The following CPA6 variants were observed in gnomAD, a reference collection of about 807,000 sequenced individuals.
CPA6 encodes carboxypeptidase A6.
Under a neutral mutation model 63.3 loss-of-function variants are expected in CPA6, and 58 were observed. That is an observed-to-expected ratio of 0.92 (90% CI 0.74 to 1.14). The LOEUF (loss-of-function observed/expected upper bound fraction) is 1.14. CPA6 is among the 50% of genes most tolerant of loss of function. CPA6 has a pLI of 0.00. For missense variants in CPA6, 565 were observed against 526.6 expected (o/e 1.07, Z -0.71); for synonymous variants, 185 against 179.0 (o/e 1.03, Z -0.27).
At chr8:67,727,446 C>T (rs1272042253) in intron 1 of CPA6, among the ~76,000 whole-genome samples, 1 of 152,148 alleles carries the variant, frequency 6.6e-6, no homozygotes, top group African/African-American at 2.4e-5. Flanking sequence ...CCACTGCCCC[C>T]CTTAACCCCC....
chr8:67,585,716 G>A (rs565409741), intron 2 of CPA6, among the ~76,000 whole-genome samples: 8 of 152,232 alleles, frequency 5.3e-5, no homozygotes, highest in South Asian at 2.1e-4. Context: ...GATATGATAC[G>A]TAAGTGTCCT....
chr8:67,679,927 T>G (rs150269318), intron 1 of CPA6, among the ~76,000 whole-genome samples: 1 of 152,272 alleles, frequency 6.6e-6, no homozygotes, highest in East Asian at 1.9e-4. Flanking sequence ...GACTTGGAGA[T>G]ATGGTGTATT....
chr8:67,497,302 T>C (rs1028313844), intron 6 of CPA6, among the ~76,000 whole-genome samples: 1 of 152,218 alleles, frequency 6.6e-6, no homozygotes, highest in African/African-American at 2.4e-5. Flanking sequence ...GTGCTTCCTG[T>C]TTTTATGGAT....
chr8:67,455,373 G>C (rs1368333802), intron 8 of CPA6, among the ~76,000 whole-genome samples: 1 of 152,030 alleles, frequency 6.6e-6, no homozygotes, highest in Non-Finnish European at 1.5e-5. Context: ...ATGTCTCACA[G>C]TAGTTTGTTA....
At chr8:67,521,813 T>A (rs1812263611) in intron 2 of CPA6, among the ~76,000 whole-genome samples, 1 of 152,146 alleles carries the variant, frequency 6.6e-6, no homozygotes, top group Non-Finnish European at 1.5e-5. Flanking sequence ...GCCACTATAG[T>A]GGTGATGAAT....
intron 2 of CPA6, among the ~76,000 whole-genome samples, chr8:67,519,499 C>T (rs1010157749): frequency 8.5e-5 from 13 of 152,178 alleles, no homozygotes; most frequent in African/African-American, 3.1e-4. Flanking sequence ...CTCTAGAAGA[C>T]CAAAAATACT....
At chr8:67,484,879 C>T in intron 6 of CPA6, 90 bp from the exon 7 acceptor site, 1 of 643,084 alleles carries the variant, frequency 1.6e-6, no homozygotes, top group Non-Finnish European at 2.7e-6. Context: ...ATGAGAACTA[C>T]CAAATACGGT....
At chr8:67,466,426 G>A (rs1334251220) in intron 8 of CPA6, among the ~76,000 whole-genome samples, 2 of 151,992 alleles carry the variant, frequency 1.3e-5, no homozygotes, top group Non-Finnish European at 2.9e-5. Flanking sequence ...TGTTTTGCTT[G>A]TTGTTTGTAT....
chr8:67,662,095 G>T (rs536357086), intron 1 of CPA6, among the ~76,000 whole-genome samples: 97 of 152,282 alleles, frequency 6.4e-4, no homozygotes, highest in African/African-American at 2.0e-3. Context: ...TGCAGGTTCT[G>T]GGGGAGGCAG....
chr8:67,681,561 C>G (rs2128995995), intron 1 of CPA6, among the ~76,000 whole-genome samples: 1 of 152,218 alleles, frequency 6.6e-6, no homozygotes, highest in East Asian at 1.9e-4. Context: ...GTTTTGCTTA[C>G]AATCCATTTT....
In CPA6 at chr8:67,446,316, A is replaced by C. The variant is rs899852249; in HGVS notation, c.839-12076T>G. ...CTAGGCTGGCAATATGGTATTATTT[A>C]TTTCTTTTTCTTTTTTTTAAATAGA... On this transcript the variant is annotated intron_variant, in intron 8 of 10. Coordinates refer to ENST00000297770, the MANE Select transcript of CPA6 (RefSeq NM_020361.5). Among the ~76,000 whole-genome samples, 12 of 151,666 alleles carry C rather than the reference A, an allele frequency of 7.9e-5. 1 individual carries two copies. Among genetic ancestry groups the C allele is most frequent in the African/African-American group, 2.9e-4 (12 of 41,304 alleles).
At chr8:67,481,754 AT>A (rs1185883600) in intron 8 of CPA6, among the ~76,000 whole-genome samples, 1 of 152,160 alleles carries the variant, frequency 6.6e-6, no homozygotes, top group African/African-American at 2.4e-5. Context: ...CCTCAGAGTG[AT>A]TCCCACATTG....
chr8:67,472,337 T>C (rs1811076859), intron 8 of CPA6, among the ~76,000 whole-genome samples: 6 of 151,876 alleles, frequency 4.0e-5, no homozygotes. Context: ...TGCTTACTCA[T>C]TGACTTTGAA....
chr8:67,673,353 TTTATTATTATTA>T lies in CPA6; in HGVS notation c.117-49114_117-49103del, dbSNP rs71253021. Among the ~76,000 whole-genome samples the T allele has an allele frequency of 1.3e-4, 18 of 140,100 alleles. No homozygotes were observed. The East Asian group carries it at 2.6e-3, about 20-fold the overall frequency. 91.9% of individuals were successfully genotyped at this position (140,100 alleles called of 152,430 possible). ...ATTTTTATTTTATAATCTCTTTCAA[TTTATTATTATTA>T]TTATTATTATTATTATTTATTTATT... On this transcript the variant is annotated intron_variant, in intron 1 of 10. Transcript: ENST00000297770.
intron 1 of CPA6, among the ~76,000 whole-genome samples, chr8:67,696,468 A>T (rs1324268393): frequency 6.6e-6 from 1 of 152,230 alleles, no homozygotes; most frequent in Non-Finnish European, 1.5e-5. Context: ...GTTTGATGGC[A>T]TCTTATGTTT....
At chr8:67,559,898 G>A (rs1264117428) in intron 2 of CPA6, among the ~76,000 whole-genome samples, 1 of 149,588 alleles carries the variant, frequency 6.7e-6, no homozygotes, top group East Asian at 2.0e-4. Context: ...CATATATATA[G>A]TGTTTTTATA....
At chr8:67,679,158 T>C (rs866809017) in intron 1 of CPA6, among the ~76,000 whole-genome samples, 1 of 152,344 alleles carries the variant, frequency 6.6e-6, no homozygotes, top group Middle Eastern at 3.4e-3. Context: ...TGAGGAGTCA[T>C]TTAACAGAAC....
chr8:67,427,405 G>A (rs1215997953), intron 10 of CPA6, among the ~76,000 whole-genome samples: 1 of 152,062 alleles, frequency 6.6e-6, no homozygotes, highest in African/African-American at 2.4e-5. Context: ...TGAAGATCCT[G>A]TACACATAGA....
At chr8:67,530,217 GAA>G (rs3055690) in intron 2 of CPA6, among the ~76,000 whole-genome samples, 20,541 of 138,232 alleles carry the variant, frequency 0.15, 3,928 homozygotes, top group African/African-American at 0.44. Flanking sequence ...AAAAAGACAG[GAA>G]AAAAAAAAAA....
Sources: allele counts gnomAD v4.1 joint callset (sites outside exome capture counted in the v4.1 genomes callset), GRCh38; gene constraint gnomAD v4.1.1; transcripts MANE v1.5; gene names NCBI Gene and HGNC (gene_info 2026-07-23, HGNC 2026-07-21).